ANXA8: variants seen among roughly 807,000 people sequenced by gnomAD.
The protein encoded by ANXA8 is annexin A8, also known as VAC-beta.
In ANXA8, 9 loss-of-function variants were observed where a neutral mutation model predicts 26.8. The observed-to-expected ratio is 0.34, with a 90% CI of 0.20 to 0.59. ANXA8 has a LOEUF of 0.59. Ranked by LOEUF, ANXA8 falls within the 20% of genes least tolerant of loss-of-function variation. The probability of loss-of-function intolerance (pLI) is 0.84; values close to 1 mark genes in which losing one functional copy is unlikely to be tolerated. For synonymous variants in ANXA8, 39 were observed against 94.8 expected (o/e 0.41, Z 3.42); for missense variants, 83 against 238.5 (o/e 0.35, Z 4.29).
At chr10:47,604,046 CAT>C in the ANXA8 span, among the ~76,000 whole-genome samples, 1 of 135,110 alleles carries the variant, frequency 7.4e-6, no homozygotes, top group African/African-American at 2.8e-5. Context: ...GTAACTGCTC[CAT>C]GTTTGTATTC....
the ANXA8 span, among the ~76,000 whole-genome samples, chr10:47,921,707 A>G: frequency 6.6e-6 from 1 of 151,014 alleles, no homozygotes; most frequent in Non-Finnish European, 1.5e-5. Flanking sequence ...AAACTAGCTA[A>G]TAGACGAAAG....
chr10:47,763,097 C>T, the ANXA8 span: 1 of 995,902 alleles, frequency 1.0e-6, no homozygotes, highest in African/African-American at 1.7e-5. Context: ...TGAGCCCCCG[C>T]CCTCCCAGAT....
the ANXA8 span, among the ~76,000 whole-genome samples, chr10:47,990,371 C>T: frequency 3.4e-5 from 2 of 58,842 alleles, 1 homozygote; most frequent in Non-Finnish European, 9.2e-5. Flanking sequence ...GCACTGGGCT[C>T]TCCCTGCCAT....
chr10:47,563,652 C>T, the ANXA8 span: 28 of 866,338 alleles, frequency 3.2e-5, no homozygotes, highest in Middle Eastern at 2.2e-4. Context: ...AAAGCTTTGG[C>T]TTCTCTGATG....
the ANXA8 span, chr10:47,589,045 C>T: frequency 6.1e-3 from 888 of 145,538 alleles, 4 homozygotes; most frequent in African/African-American, 0.024. Context: ...AACTCCTGGG[C>T]TCAAGCAATC....
chr10:47,940,576 T>C, the ANXA8 span, among the ~76,000 whole-genome samples: 6 of 146,954 alleles, frequency 4.1e-5, no homozygotes, highest in Non-Finnish European at 8.9e-5. Flanking sequence ...ACACCTGTAA[T>C]CCCAGCACTT....
the ANXA8 span, among the ~76,000 whole-genome samples, chr10:47,674,624 A>C: frequency 1.9e-4 from 29 of 151,802 alleles, no homozygotes; most frequent in Non-Finnish European, 3.4e-4. Context: ...CACTTAAGGC[A>C]TGGGGAGTTA....
chr10:47,555,113 T>C, the ANXA8 span, among the ~76,000 whole-genome samples: 3 of 151,270 alleles, frequency 2.0e-5, no homozygotes, highest in Non-Finnish European at 4.4e-5. Context: ...GGTTCTCCTA[T>C]GCTCCCTCGC....
the ANXA8 span, chr10:47,502,431 C>A: frequency 6.8e-6 from 11 of 1,611,264 alleles, no homozygotes; most frequent in Non-Finnish European, 9.3e-6. Flanking sequence ...TGGAACGGAT[C>A]CACCATTCCT....
chr10:47,658,935 G>A, the ANXA8 span, among the ~76,000 whole-genome samples: 1 of 148,434 alleles, frequency 6.7e-6, no homozygotes, highest in African/African-American at 2.6e-5. Flanking sequence ...GCAGTGGCAT[G>A]GTCTCGGCTC....
At chr10:47,552,116 C>G in the ANXA8 span, among the ~76,000 whole-genome samples, 2 of 151,580 alleles carry the variant, frequency 1.3e-5, no homozygotes, top group Non-Finnish European at 2.9e-5. Flanking sequence ...TTTCATTTCT[C>G]TCTGTTATGC....
the ANXA8 span, among the ~76,000 whole-genome samples, chr10:47,676,680 C>T: frequency 6.6e-6 from 1 of 151,642 alleles, no homozygotes; most frequent in Non-Finnish European, 1.5e-5. Context: ...AATCTCAGAA[C>T]TTTGGGAGGT....
chr10:47,894,603 CCA>C, the ANXA8 span, among the ~76,000 whole-genome samples: 231 of 143,376 alleles, frequency 1.6e-3, no homozygotes, highest in Non-Finnish European at 3.1e-3. Flanking sequence ...ACACACTGCA[CCA>C]CACACACACA....
the ANXA8 span, among the ~76,000 whole-genome samples, chr10:47,671,452 C>A: frequency 6.7e-6 from 1 of 150,234 alleles, no homozygotes; most frequent in African/African-American, 2.4e-5. Context: ...CAAAACAAAA[C>A]AAAACCGACT....
chr10:47,763,422 G>A, the ANXA8 span: 1 of 984,652 alleles, frequency 1.0e-6, no homozygotes, highest in Non-Finnish European at 1.2e-6. Flanking sequence ...TCCGTGAGGG[G>A]CTCTCGTAAG....
the ANXA8 span, among the ~76,000 whole-genome samples, chr10:47,743,267 T>C: frequency 7.2e-4 from 78 of 108,670 alleles, no homozygotes; most frequent in Middle Eastern, 8.6e-3. Context: ...TATATATACA[T>C]ATATATATAT....
chr10:47,703,217 G>A, the ANXA8 span, among the ~76,000 whole-genome samples: 6 of 151,660 alleles, frequency 4.0e-5, no homozygotes, highest in Admixed American at 3.9e-4. Context: ...GGGGAAGAGA[G>A]AGCTCTTCCT....
the ANXA8 span, among the ~76,000 whole-genome samples, chr10:47,655,757 A>G: frequency 6.6e-6 from 1 of 152,020 alleles, no homozygotes; most frequent in Non-Finnish European, 1.5e-5. Flanking sequence ...AAGGTGGCTC[A>G]TGCCTGTAAT....
the ANXA8 span, among the ~76,000 whole-genome samples, chr10:47,687,105 A>AAAAAT: frequency 6.4e-3 from 876 of 136,560 alleles, 6 homozygotes; most frequent in South Asian, 0.011. Flanking sequence ...CCCTAACTCA[A>AAAAAT]AAAATAAAAT....
Sources: allele counts gnomAD v4.1 joint callset (sites outside exome capture counted in the v4.1 genomes callset), GRCh38; gene constraint gnomAD v4.1.1; transcripts MANE v1.5; gene names NCBI Gene and HGNC (gene_info 2026-07-23, HGNC 2026-07-21).